Variants in C1QTNF1 observed in about 807,000 individuals in gnomAD.
The protein encoded by C1QTNF1 is complement C1q tumor necrosis factor-related protein 1.
A neutral mutation model predicts 27.8 loss-of-function variants in C1QTNF1; 22 were observed. The ratio of observed to expected loss-of-function variants is 0.79; its 90% CI spans 0.56 to 1.13. The LOEUF (loss-of-function observed/expected upper bound fraction) is 1.13. Ranked by LOEUF, C1QTNF1 falls within the 50% of genes most tolerant of loss-of-function variation. The pLI is 0.00. For missense variants in C1QTNF1, 373 were observed against 380.2 expected, an observed-to-expected ratio of 0.98 and a Z score of 0.16; for synonymous variants, 166 against 154.3, an observed-to-expected ratio of 1.08 and a Z score of -0.56.
intron 1 of C1QTNF1, among the ~76,000 whole-genome samples, chr17:79,026,356 G>A (rs898486936): frequency 3.3e-5 from 5 of 152,130 alleles, no homozygotes; most frequent in African/African-American, 1.2e-4. Context: ...GTTTCACCCT[G>A]TTGGTCAGGC....
rs1171286971 is a variant in C1QTNF1 at position 79,047,885 on chromosome 17, G to A, written c.643G>A (p.Glu215Lys). ...GACCTACCTGCACATCATGAAGAAC[G>A]AGGAGGAGGTGGTGATCTTGTTCGC... is the stretch of plus-strand genomic sequence containing the variant. ...KETYLHIMKN[E>K]EEVVILFAQV... Residue 215 changes from glutamate to lysine, a missense_variant, in exon 4 of 4, where the codon GAG becomes AAG. Physicochemically the swap from Glu to Lys is moderately conservative, Grantham distance 56. Coordinates refer to ENST00000579760, the MANE Select transcript of C1QTNF1 (RefSeq NM_030968.5). 4 of 1,614,064 alleles carry A rather than the reference G, an allele frequency of 2.5e-6. No homozygotes were observed. Among genetic ancestry groups the A allele is most frequent in the Non-Finnish European group, 3.4e-6 (4 of 1,180,032 alleles).
chr17:79,034,622 C>CT (rs1020125855), intron 1 of C1QTNF1: 18 of 152,340 alleles, frequency 1.2e-4, no homozygotes, highest in Admixed American at 3.9e-4. Context: ...CTTCGCTTCA[C>CT]TTTTTTGTCC....
At chr17:79,026,951 A>T (rs1568058499) in intron 1 of C1QTNF1, among the ~76,000 whole-genome samples, 1 of 152,228 alleles carries the variant, frequency 6.6e-6, no homozygotes, top group Non-Finnish European at 1.5e-5. Context: ...AGCATGACTC[A>T]TAAACCAAAT....
At chr17:79,042,801 G>A (rs1293492590) in intron 1 of C1QTNF1, among the ~76,000 whole-genome samples, 1 of 152,252 alleles carries the variant, frequency 6.6e-6, no homozygotes, top group Non-Finnish European at 1.5e-5. Flanking sequence ...AGCCTGACTG[G>A]CTGAGGCTCT....
At chr17:79,027,340 A>G (rs955447904) in intron 1 of C1QTNF1, 56 of 152,294 alleles carry the variant, frequency 3.7e-4, no homozygotes, top group African/African-American at 1.2e-3. Flanking sequence ...GGACCCTGCC[A>G]TCTCCCTGAC....
chr17:79,028,666 G>A (rs962219131), intron 1 of C1QTNF1, among the ~76,000 whole-genome samples: 7 of 152,208 alleles, frequency 4.6e-5, no homozygotes, highest in Admixed American at 6.5e-5. Context: ...CGTGTGGTGC[G>A]TGAACTTAGA....
intron 1 of C1QTNF1, among the ~76,000 whole-genome samples, chr17:79,039,606 T>C (rs1464863153): frequency 6.6e-6 from 1 of 151,670 alleles, no homozygotes; most frequent in Non-Finnish European, 1.5e-5. Context: ...TGAGCCAAGA[T>C]CGCGCCACTT....
Position 79,047,324 on chromosome 17 carries a change from T to C in C1QTNF1, c.296-214T>C, listed in dbSNP as rs1289940081. On this transcript the variant is annotated intron_variant, in intron 3 of 3. Coordinates refer to ENST00000579760, the MANE Select transcript of C1QTNF1 (RefSeq NM_030968.5). ...AAATAGAACCATCCTTGAGGTTGAG[T>C]CTGTTTGCTTGGCCATTTTGGGAAT... 3 of 426,610 alleles carry C rather than the reference T, an allele frequency of 7.0e-6. No individual in the cohort carries two copies. In the Admixed American group the frequency reaches 1.2e-4, roughly 17 times the overall value. 26.4% of individuals were successfully genotyped at this position (426,610 alleles called of 1,614,324 possible).
chr17:79,027,009 C>T (rs1363061426), intron 1 of C1QTNF1, among the ~76,000 whole-genome samples: 1 of 150,268 alleles, frequency 6.7e-6, no homozygotes, highest in Non-Finnish European at 1.5e-5. Flanking sequence ...AAAAGAATTT[C>T]ATAGATACAG....
chr17:79,035,710 C>T (rs534256107), intron 1 of C1QTNF1, among the ~76,000 whole-genome samples: 3 of 152,256 alleles, frequency 2.0e-5, no homozygotes, highest in African/African-American at 7.2e-5. Context: ...GGATTATAGG[C>T]GTGAGCCACC....
In C1QTNF1 at chr17:79,048,265, G is replaced by C. The variant is rs1213051645; in HGVS notation, c.*177G>C. ...CCAGATCCCGCAGCCTCTGGAGAGAGCTGACGGCAGATGAAATCACCAGGG... is the reference window on the plus strand; with the variant it reads ...CCAGATCCCGCAGCCTCTGGAGAGACCTGACGGCAGATGAAATCACCAGGG... On this transcript the variant is annotated 3_prime_UTR_variant, in exon 4 of 4. Coordinates refer to ENST00000579760, the MANE Select transcript of C1QTNF1 (RefSeq NM_030968.5). 3.0e-6 allele frequency: 2 copies of C among 672,882 alleles called. No individual in the cohort carries two copies. The highest frequency in any genetic ancestry group is 3.6e-5 in the African/African-American group (2 of 55,108). The allele number at this position is 672,882 out of a possible 1,614,324, so 41.7% of individuals were successfully genotyped here.
intron 3 of C1QTNF1, 34 bp from the exon 4 acceptor site, chr17:79,047,504 C>T: frequency 6.6e-7 from 1 of 1,514,628 alleles, no homozygotes; most frequent in African/African-American, 1.4e-5. Flanking sequence ...CCGGATTGCT[C>T]CATTAACAGC....
intron 1 of C1QTNF1, among the ~76,000 whole-genome samples, chr17:79,031,944 C>G (rs1189508425): frequency 6.6e-6 from 1 of 152,192 alleles, no homozygotes; most frequent in African/African-American, 2.4e-5. Flanking sequence ...GTGTCCCCAG[C>G]TGGAATTAGA....
At chr17:79,047,296 C>T (rs994490639) in intron 3 of C1QTNF1, 13 of 384,900 alleles carry the variant, frequency 3.4e-5, no homozygotes, top group East Asian at 3.7e-5. Flanking sequence ...TGCTTCTGGG[C>T]GAAAATAGAA....
chr17:79,027,471 C>A (rs1199100190), intron 1 of C1QTNF1: 1 of 152,328 alleles, frequency 6.6e-6, no homozygotes, highest in African/African-American at 2.4e-5. Context: ...CCCAGCAAGC[C>A]GCTCTCATGA....
At chr17:79,045,964 C>T (rs1018166980) in intron 2 of C1QTNF1, among the ~76,000 whole-genome samples, 7 of 152,070 alleles carry the variant, frequency 4.6e-5, no homozygotes, top group African/African-American at 1.7e-4. Flanking sequence ...TTGCTGCCCC[C>T]GTGGGTCTGC....
At chr17:79,028,467 G>A (rs1049930414) in intron 1 of C1QTNF1, among the ~76,000 whole-genome samples, 6 of 152,182 alleles carry the variant, frequency 3.9e-5, no homozygotes, top group Non-Finnish European at 8.8e-5. Flanking sequence ...TCAGAGCTGG[G>A]GACAGAGGTG....
chr17:79,047,228 T>G, intron 3 of C1QTNF1: 1 of 342,128 alleles, frequency 2.9e-6, no homozygotes, highest in Non-Finnish European at 5.2e-6. Flanking sequence ...CATTTTCTTT[T>G]TTTTCTTTTC....
At chr17:79,044,168 C>A (rs776467293) in intron 2 of C1QTNF1, 45 bp downstream of exon 2, 4 of 1,523,614 alleles carry the variant, frequency 2.6e-6, no homozygotes, top group South Asian at 2.5e-5. Flanking sequence ...TGGCTCTGGC[C>A]AGGCTGAGCC....
Sources: allele counts gnomAD v4.1 joint callset (sites outside exome capture counted in the v4.1 genomes callset), GRCh38; gene constraint gnomAD v4.1.1; transcripts MANE v1.5; gene names NCBI Gene and HGNC (gene_info 2026-07-23, HGNC 2026-07-21).